The following BUB1 variants were observed in gnomAD, a reference collection of about 807,000 sequenced individuals.
BUB1 encodes BUB1 mitotic checkpoint serine/threonine kinase, also known as mitotic checkpoint serine/threonine-protein kinase BUB1.
A neutral mutation model predicts 135.2 loss-of-function variants in BUB1; 84 were observed. The ratio of observed to expected loss-of-function variants is 0.62; its 90% CI spans 0.52 to 0.74. The LOEUF (loss-of-function observed/expected upper bound fraction) is 0.74, where lower values mean the gene tolerates loss of function less well. Ranked by LOEUF, BUB1 falls within the 30% of genes least tolerant of loss-of-function variation. The probability of loss-of-function intolerance (pLI) is 0.00; values close to 1 mark genes in which losing one functional copy is unlikely to be tolerated. For missense variants in BUB1, 1,162 were observed against 1,288.3 expected (o/e 0.90, Z 1.50); for synonymous variants, 403 against 434.4 (o/e 0.93, Z 0.90).
chr2:110,677,991 T>A lies in BUB1; in HGVS notation c.5A>T (p.Asp2Val), dbSNP rs1276776580. The A allele has an allele frequency of 6.2e-7, 1 of 1,608,102 alleles. No homozygotes were observed. Among genetic ancestry groups the A allele is most frequent in the Non-Finnish European group, 8.5e-7 (1 of 1,177,788 alleles). The change falls in exon 1 of 25, where the codon GAC (aspartate) becomes GTC (valine). Residue 2 changes from aspartate (D) to valine (V), a missense_variant. Asp to Val is a radical substitution (Grantham distance 152). Coordinates refer to ENST00000302759, the MANE Select transcript of BUB1 (RefSeq NM_004336.5). M[D>V]TPENVLQMLE... is the part of the protein sequence containing the mutation. The stretch of plus-strand genomic sequence containing the variant: ...TTACTGAAGGACATTTTCCGGGGTG[T>A]CCATGGCCAGAGGACGCTGGCCGGC...
chr2:110,676,119 T>G (rs1295691862), intron 1 of BUB1, among the ~76,000 whole-genome samples: 1 of 150,666 alleles, frequency 6.6e-6, no homozygotes, highest in African/African-American at 2.4e-5. Context: ...AACCACAAAA[T>G]AGTCAAAAGA....
chr2:110,670,103 G>T (rs998085594), intron 5 of BUB1, among the ~76,000 whole-genome samples: 2 of 135,796 alleles, frequency 1.5e-5, no homozygotes, highest in African/African-American at 5.4e-5. Context: ...AGTGCAATTT[G>T]GTTTTCATTA....
At position 110,639,072 on chromosome 2, in the gene BUB1, C is replaced by CA. The variant is rs537700690; in HGVS notation, c.3062+669dup. ...TACTTTTCTGCATGTTTTTATGCCTCAAAAAAGAAAGTATAAGTGATATAA... is the reference window on the plus strand; with the variant it reads ...TACTTTTCTGCATGTTTTTATGCCTCAAAAAAAGAAAGTATAAGTGATATAA... On this transcript the variant is annotated intron_variant, in intron 24 of 24. Coordinates refer to ENST00000302759, the MANE Select transcript of BUB1 (RefSeq NM_004336.5). Among the ~76,000 whole-genome samples, 650 of 151,714 alleles carry CA rather than the reference C, an allele frequency of 4.3e-3. 5 individuals carry two copies. Among genetic ancestry groups the CA allele is most frequent in the African/African-American group, 0.015 (630 of 41,392 alleles).
chr2:110,650,197 A>AGGG (rs1553515581), intron 18 of BUB1, among the ~76,000 whole-genome samples: 1 of 2,982 alleles, frequency 3.4e-4, no homozygotes, highest in Non-Finnish European at 6.0e-4. Flanking sequence ...ATGTGTAACA[A>AGGG]GGGGGTGGGC....
At chr2:110,655,416 T>A (rs1329919621) in intron 16 of BUB1, among the ~76,000 whole-genome samples, 1 of 152,216 alleles carries the variant, frequency 6.6e-6, no homozygotes, top group Non-Finnish European at 1.5e-5. Context: ...TTGTTTGCTA[T>A]GAAACAAAAT....
intron 11 of BUB1, 31 bp downstream of exon 11, chr2:110,659,947 C>T (rs780909166): frequency 1.3e-6 from 2 of 1,587,198 alleles, no homozygotes; most frequent in Non-Finnish European, 8.6e-7. Context: ...GGAATCTGGA[C>T]AGAAACACAT....
chr2:110,657,657 T>G lies in BUB1; in HGVS notation c.1517-12A>C. ...TGACCTTACATTTTCTGCAACAGAA[T>G]AAAAAATAGCATCTAATTATTGTAC... On this transcript the variant is annotated splice_polypyrimidine_tract_variant and intron_variant, in intron 13 of 24. Transcript: ENST00000302759. 1 of 1,539,068 alleles carries G rather than the reference T, an allele frequency of 6.5e-7. No homozygotes were observed. Among genetic ancestry groups the G allele is most frequent in the Non-Finnish European group, 8.8e-7 (1 of 1,137,438 alleles).
chr2:110,665,571 T>TTGTGTGTG (rs34442113), intron 9 of BUB1, among the ~76,000 whole-genome samples: 120 of 141,144 alleles, frequency 8.5e-4, no homozygotes, highest in African/African-American at 3.0e-3. Context: ...AAAAGAATGT[T>TTGTGTGTG]TGTGTGTGTG....
chr2:110,666,624 T>C (rs1413045832), intron 8 of BUB1, among the ~76,000 whole-genome samples: 3 of 120,800 alleles, frequency 2.5e-5, no homozygotes, highest in East Asian at 4.9e-4. Context: ...TGTAAATTAC[T>C]AAAAAAAAAA....
At chr2:110,639,673 TGCC>T in intron 24 of BUB1, 66 bp downstream of exon 24, 1 of 1,208,878 alleles carries the variant, frequency 8.3e-7, no homozygotes, top group Non-Finnish European at 1.2e-6. Flanking sequence ...TTTTTTTTTT[TGCC>T]AGATGGAACC....
chr2:110,640,572 A>G (rs759398780), intron 23 of BUB1, among the ~76,000 whole-genome samples: 5 of 152,200 alleles, frequency 3.3e-5, no homozygotes, highest in Non-Finnish European at 5.9e-5. Flanking sequence ...ATCTGGCTGT[A>G]CCATCTATTA....
rs1300417404 is a variant in BUB1, at chr2:110,653,443, T to G, written c.1957A>C (p.Lys653Gln). 6.2e-7 allele frequency: 1 copy of G among 1,613,666 alleles called. No homozygotes were observed. The highest frequency in any genetic ancestry group is 8.5e-7 in the Non-Finnish European group (1 of 1,179,702). The part of the protein sequence containing the change: ...ENMVVPSRDG[K>Q]FSPIQEKSPK... The stretch of plus-strand genomic sequence containing the variant: ...AATAAACCCTCACAATACCTGAATT[T>G]TCCATCCCTTGAAGGCACCACCATG... The change falls in exon 17 of 25, where the codon AAA (lysine) becomes CAA (glutamine). Residue 653 changes from lysine (K) to glutamine (Q), a missense_variant. Physicochemically the swap from Lys to Gln is moderately conservative, Grantham distance 53 (BLOSUM62 1). Coordinates refer to ENST00000302759, the MANE Select transcript of BUB1 (RefSeq NM_004336.5).
intron 11 of BUB1, among the ~76,000 whole-genome samples, chr2:110,659,427 CTA>C (rs1369664556): frequency 2.0e-5 from 3 of 152,096 alleles, no homozygotes; most frequent in Non-Finnish European, 4.4e-5. Flanking sequence ...TCATCCCTAA[CTA>C]TGTATAACAG....
intron 18 of BUB1, 113 bp from the exon 19 acceptor site, chr2:110,649,490 A>G: frequency 9.8e-7 from 1 of 1,015,876 alleles, no homozygotes; most frequent in Non-Finnish European, 1.4e-6. Flanking sequence ...TAAGCTTTCA[A>G]AGCCTTATAA....
chr2:110,649,954 G>A (rs1689737550), intron 18 of BUB1, among the ~76,000 whole-genome samples: 1 of 152,164 alleles, frequency 6.6e-6, no homozygotes, highest in Non-Finnish European at 1.5e-5. Context: ...CACTCACTCA[G>A]CGCTAAGCAC....
intron 19 of BUB1, among the ~76,000 whole-genome samples, chr2:110,644,045 C>A (rs1372531368): frequency 3.7e-4 from 7 of 18,988 alleles, no homozygotes; most frequent in South Asian, 1.2e-3. Context: ...TAAAAACTTC[C>A]AAAACTGAAA....
chr2:110,644,058 CAAAAAAA>C (rs58393999), intron 19 of BUB1, among the ~76,000 whole-genome samples: 30 of 39,692 alleles, frequency 7.6e-4, no homozygotes, highest in African/African-American at 1.0e-3. Flanking sequence ...AACTGAAATG[CAAAAAAA>C]AAAAAAAAAA....
At position 110,667,627 on chromosome 2, in the gene BUB1, C is replaced by G. The variant is rs148353965; in HGVS notation, c.699G>C (p.Gln233His). The stretch of plus-strand genomic sequence containing the variant: ...GCTTCTCCTTGCAATACATAACAAC[C>G]TGCTCAACATCAACTTTGGATGCCA... ...SSLASKVDVE[Q>H]VVMYCKEKLI... The change falls in exon 8 of 25, where the codon CAG becomes CAC. Residue 233 changes from glutamine to histidine, a missense_variant. Coordinates refer to ENST00000302759, the MANE Select transcript of BUB1 (RefSeq NM_004336.5). The G allele has an allele frequency of 7.3e-5, 118 of 1,613,880 alleles. No individual in the cohort carries two copies. The highest frequency in any genetic ancestry group is 9.5e-5 in the Non-Finnish European group (112 of 1,179,978).
chr2:110,652,420 T>C (rs891082298), intron 17 of BUB1, among the ~76,000 whole-genome samples: 2 of 152,234 alleles, frequency 1.3e-5, no homozygotes, highest in Non-Finnish European at 2.9e-5. Context: ...TGCTCTCTAA[T>C]GTTCCTAAGC....
Sources: gnomAD v4.1 joint callset for allele counts (sites outside exome capture counted in the v4.1 genomes callset) on GRCh38, gnomAD v4.1.1 for gene constraint, MANE v1.5 for transcripts, NCBI Gene and HGNC (gene_info 2026-07-23, HGNC 2026-07-21) for gene names.